Variants in HULC observed in about 807,000 individuals in gnomAD.
HULC encodes the protein hepatocellular carcinoma associated transcript 1 (non-protein coding).
chr6:8,653,762 G>C lies in HULC; in HGVS notation n.313+106548G>C, dbSNP rs535726486. ...ATGTTGTTATCAAAGAAAAAAATTG[G>C]GAAGCATGGCAAAATATCATCAAAA... On this transcript the variant is annotated intron_variant and non_coding_transcript_variant, in intron 3 of 8. Transcript: ENST00000645747. This position sits in a 1 kb window ranked among gnomAD's most constrained non-coding sequence, Gnocchi z 4.3. 3.3e-5 allele frequency: 5 copies of C among 152,044 alleles called. No individual in the cohort carries two copies. In the South Asian group the frequency reaches 1.0e-3, roughly 32 times the overall value. The allele number at this position is 152,044 out of a possible 1,614,324, so 9.4% of individuals were successfully genotyped here. A position where few individuals can be genotyped will look rare whatever the true frequency, so the allele number is the denominator to read the frequency against.
At position 8,653,003 on chromosome 6, in the gene HULC, A is replaced by C. The variant is rs962683973; in HGVS notation, n.313+105789A>C. On this transcript the variant is annotated intron_variant and non_coding_transcript_variant, in intron 3 of 8. Coordinates refer to ENST00000645747, the Ensembl canonical transcript of HULC. The surrounding 1 kb of genome is among the most constrained non-coding windows in gnomAD (Gnocchi z 4.3). The stretch of plus-strand genomic sequence containing the variant: ...AAGGAATTCTGGGAAATGTAGTTCC[A>C]GTTTGTCTGAATTGACCTATTGCAA... 6.6e-6 allele frequency: 1 copy of C among 152,224 alleles called. No individual in the cohort carries two copies. The highest frequency in any genetic ancestry group is 2.4e-5 in the African/African-American group (1 of 41,466). The allele number at this position is 152,224 out of a possible 1,614,324, so 9.4% of individuals were successfully genotyped here.
rs563284140 is a variant in HULC, at chr6:8,653,322, C to G, written n.313+106108C>G. ...AGTTATATAAAATTGATGCTTTTCT[C>G]TCTTTTTTTTAATCATTGAAAAGTG... On this transcript the variant is annotated intron_variant and non_coding_transcript_variant, in intron 3 of 8. Coordinates refer to ENST00000645747, the Ensembl canonical transcript of HULC. The surrounding 1 kb of genome is among the most constrained non-coding windows in gnomAD (Gnocchi z 4.3). 2.6e-5 allele frequency among the ~76,000 whole-genome samples: 4 copies of G among 152,142 alleles called. No individual in the cohort carries two copies. Among genetic ancestry groups the G allele is most frequent in the South Asian group, 4.2e-4 (2 of 4,810 alleles).
rs759716540 is a variant in HULC at position 8,652,308 on chromosome 6, G to T, written n.313+105094G>T. 2 of 152,290 alleles carry T rather than the reference G, an allele frequency of 1.3e-5. No homozygotes were observed. The highest frequency in any genetic ancestry group is 4.8e-5 in the African/African-American group (2 of 41,440). 9.4% of individuals were successfully genotyped at this position (152,290 alleles called of 1,614,324 possible). A position where few individuals can be genotyped will look rare whatever the true frequency, so the allele number is the denominator to read the frequency against. On this transcript the variant is annotated intron_variant and non_coding_transcript_variant, in intron 3 of 8. Coordinates refer to ENST00000645747, the Ensembl canonical transcript of HULC. The surrounding 1 kb of genome is among the most constrained non-coding windows in gnomAD (Gnocchi z 5.0). ...TGAGGATACAGCAAGGCCCCAATCT[G>T]CAAGCCAGGAAGAGTCGTCACGAGA... is the stretch of plus-strand genomic sequence containing the variant.
rs945825626 is a variant in HULC, at chr6:8,652,884, G to A, written n.313+105670G>A. On this transcript the variant is annotated intron_variant and non_coding_transcript_variant, in intron 3 of 8. Transcript: ENST00000645747. The surrounding 1 kb of genome is among the most constrained non-coding windows in gnomAD (Gnocchi z 5.0). Reference sequence around the variant, plus strand: ...CCTGACGCCCCTGTGGACCTTTATAGAATGCAAAGAGTATGGCTGCTACTT... The same window carrying A: ...CCTGACGCCCCTGTGGACCTTTATAAAATGCAAAGAGTATGGCTGCTACTT... 6.6e-6 allele frequency: 1 copy of A among 152,238 alleles called. No homozygotes were observed. The highest frequency in any genetic ancestry group is 2.4e-5 in the African/African-American group (1 of 41,440). 9.4% of individuals were successfully genotyped at this position (152,238 alleles called of 1,614,324 possible).
In HULC at chr6:8,653,416, A is replaced by G. The variant is rs977108218; in HGVS notation, n.313+106202A>G. On this transcript the variant is annotated intron_variant and non_coding_transcript_variant, in intron 3 of 8. Transcript: ENST00000645747. This position sits in a 1 kb window ranked among gnomAD's most constrained non-coding sequence, Gnocchi z 4.3. ...TCTAGATACATCAGAGCTCTTACAT[A>G]CAGATGTAGAACAATATGGTCTTGG... is the stretch of plus-strand genomic sequence containing the variant. 1.3e-5 allele frequency: 2 copies of G among 152,088 alleles called. No individual in the cohort carries two copies. The highest frequency in any genetic ancestry group is 2.9e-5 in the Non-Finnish European group (2 of 68,004). The allele number at this position is 152,088 out of a possible 1,614,324, so 9.4% of individuals were successfully genotyped here. A position where few individuals can be genotyped will look rare whatever the true frequency, so the allele number is the denominator to read the frequency against.
Position 8,652,351 on chromosome 6 carries a change from C to T in HULC, n.313+105137C>T, listed in dbSNP as rs1205525346. On this transcript the variant is annotated intron_variant and non_coding_transcript_variant, in intron 3 of 8. Transcript: ENST00000645747. The surrounding 1 kb of genome is among the most constrained non-coding windows in gnomAD (Gnocchi z 5.0). ...TCACGAGAACCAGACCATGCAGGAA[C>T]TCTGATCGTGGACATTTCAACCTCC... The T allele has an allele frequency of 6.6e-6, 1 of 152,278 alleles. No individual in the cohort carries two copies. Among genetic ancestry groups the T allele is most frequent in the African/African-American group, 2.4e-5 (1 of 41,440 alleles). 9.4% of individuals were successfully genotyped at this position (152,278 alleles called of 1,614,324 possible).
chr6:8,652,301 C>T lies in HULC; in HGVS notation n.313+105087C>T, dbSNP rs765032612. ...TGCCACGTGAGGATACAGCAAGGCC[C>T]CAATCTGCAAGCCAGGAAGAGTCGT... On this transcript the variant is annotated intron_variant and non_coding_transcript_variant, in intron 3 of 8. Coordinates refer to ENST00000645747, the Ensembl canonical transcript of HULC. This position sits in a 1 kb window ranked among gnomAD's most constrained non-coding sequence, Gnocchi z 5.0. The T allele has an allele frequency of 6.6e-6, 1 of 152,220 alleles. No individual in the cohort carries two copies. The highest frequency in any genetic ancestry group is 1.5e-5 in the Non-Finnish European group (1 of 68,118). The allele number at this position is 152,220 out of a possible 1,614,324, so 9.4% of individuals were successfully genotyped here.
Position 8,652,291 on chromosome 6 carries a change from CA to C in HULC, n.313+105078del, listed in dbSNP as rs1561835679. On this transcript the variant is annotated intron_variant and non_coding_transcript_variant, in intron 3 of 8. Coordinates refer to ENST00000645747, the Ensembl canonical transcript of HULC. This position sits in a 1 kb window ranked among gnomAD's most constrained non-coding sequence, Gnocchi z 5.0. ...GCTCTCTTTATGCCACGTGAGGATA[CA>C]GCAAGGCCCCAATCTGCAAGCCAGG... is the stretch of plus-strand genomic sequence containing the variant. 6.6e-6 allele frequency: 1 copy of C among 152,238 alleles called. No individual in the cohort carries two copies. The highest frequency in any genetic ancestry group is 6.5e-5 in the Admixed American group (1 of 15,274). 9.4% of individuals were successfully genotyped at this position (152,238 alleles called of 1,614,324 possible). A position where few individuals can be genotyped will look rare whatever the true frequency, so the allele number is the denominator to read the frequency against.
rs572420247 is a variant in HULC, at chr6:8,652,943, T to A, written n.313+105729T>A. ...CCTTTCAAATCTTGTGCAAATTCAC[T>A]TATGCTCCACCCCCAACCCAGAACT... is the stretch of plus-strand genomic sequence containing the variant. On this transcript the variant is annotated intron_variant and non_coding_transcript_variant, in intron 3 of 8. Coordinates refer to ENST00000645747, the Ensembl canonical transcript of HULC. This position sits in a 1 kb window ranked among gnomAD's most constrained non-coding sequence, Gnocchi z 5.0. 2.0e-5 allele frequency: 3 copies of A among 152,376 alleles called. No homozygotes were observed. Among genetic ancestry groups the A allele is most frequent in the East Asian group, 3.9e-4 (2 of 5,164 alleles). 9.4% of individuals were successfully genotyped at this position (152,376 alleles called of 1,614,324 possible). A position where few individuals can be genotyped will look rare whatever the true frequency, so the allele number is the denominator to read the frequency against.
At position 8,653,819 on chromosome 6, in the gene HULC, A is replaced by T. The variant is rs1439996474; in HGVS notation, n.313+106605A>T. 1 of 152,162 alleles carries T rather than the reference A, an allele frequency of 6.6e-6. No homozygotes were observed. The highest frequency in any genetic ancestry group is 1.5e-5 in the Non-Finnish European group (1 of 68,026). The allele number at this position is 152,162 out of a possible 1,614,324, so 9.4% of individuals were successfully genotyped here. The stretch of plus-strand genomic sequence containing the variant: ...CTAGAATTAAACAAAACTAAATTAA[A>T]ATGAAATAAAATGATGTCCATTCTT... On this transcript the variant is annotated intron_variant and non_coding_transcript_variant, in intron 3 of 8. Coordinates refer to ENST00000645747, the Ensembl canonical transcript of HULC. The surrounding 1 kb of genome is among the most constrained non-coding windows in gnomAD (Gnocchi z 4.3).
Position 8,652,374 on chromosome 6 carries a change from T to G in HULC, n.313+105160T>G, listed in dbSNP as rs1277700319. ...AACTCTGATCGTGGACATTTCAACC[T>G]CCAGAACTGTGATCCAGTAAGTGTT... is the stretch of plus-strand genomic sequence containing the variant. On this transcript the variant is annotated intron_variant and non_coding_transcript_variant, in intron 3 of 8. Coordinates refer to ENST00000645747, the Ensembl canonical transcript of HULC. This position sits in a 1 kb window ranked among gnomAD's most constrained non-coding sequence, Gnocchi z 5.0. 4 of 152,256 alleles carry G rather than the reference T, an allele frequency of 2.6e-5. No individual in the cohort carries two copies. Among genetic ancestry groups the G allele is most frequent in the Non-Finnish European group, 4.4e-5 (3 of 68,102 alleles). 9.4% of individuals were successfully genotyped at this position (152,256 alleles called of 1,614,324 possible). A position where few individuals can be genotyped will look rare whatever the true frequency, so the allele number is the denominator to read the frequency against.
chr6:8,652,947 G>A lies in HULC; in HGVS notation n.313+105733G>A, dbSNP rs1767322042. The stretch of plus-strand genomic sequence containing the variant: ...TCAAATCTTGTGCAAATTCACTTAT[G>A]CTCCACCCCCAACCCAGAACTCTGC... On this transcript the variant is annotated intron_variant and non_coding_transcript_variant, in intron 3 of 8. Coordinates refer to ENST00000645747, the Ensembl canonical transcript of HULC. The surrounding 1 kb of genome is among the most constrained non-coding windows in gnomAD (Gnocchi z 5.0). 1 of 152,228 alleles carries A rather than the reference G, an allele frequency of 6.6e-6. No homozygotes were observed. Among genetic ancestry groups the A allele is most frequent in the African/African-American group, 2.4e-5 (1 of 41,428 alleles). 9.4% of individuals were successfully genotyped at this position (152,228 alleles called of 1,614,324 possible).
rs1388892486 is a variant in HULC, at chr6:8,652,874, G to C, written n.313+105660G>C. On this transcript the variant is annotated intron_variant and non_coding_transcript_variant, in intron 3 of 8. Transcript: ENST00000645747. This position sits in a 1 kb window ranked among gnomAD's most constrained non-coding sequence, Gnocchi z 5.0. ...TGAAGCACAGCCTGACGCCCCTGTGGACCTTTATAGAATGCAAAGAGTATG... is the reference window on the plus strand; with the variant it reads ...TGAAGCACAGCCTGACGCCCCTGTGCACCTTTATAGAATGCAAAGAGTATG... 3.9e-5 allele frequency: 6 copies of C among 152,206 alleles called. No homozygotes were observed. Among genetic ancestry groups the C allele is most frequent in the African/African-American group, 1.4e-4 (6 of 41,438 alleles). 9.4% of individuals were successfully genotyped at this position (152,206 alleles called of 1,614,324 possible). A position where few individuals can be genotyped will look rare whatever the true frequency, so the allele number is the denominator to read the frequency against.
At position 8,652,664 on chromosome 6, in the gene HULC, C is replaced by T. The variant is rs1165170733; in HGVS notation, n.313+105450C>T. 2 of 152,260 alleles carry T rather than the reference C, an allele frequency of 1.3e-5. No individual in the cohort carries two copies. Among genetic ancestry groups the T allele is most frequent in the Non-Finnish European group, 2.9e-5 (2 of 68,096 alleles). The allele number at this position is 152,260 out of a possible 1,614,324, so 9.4% of individuals were successfully genotyped here. On this transcript the variant is annotated intron_variant and non_coding_transcript_variant, in intron 3 of 8. Transcript: ENST00000645747. This position sits in a 1 kb window ranked among gnomAD's most constrained non-coding sequence, Gnocchi z 5.0. ...TTAGCCCCTCTTACCACCTGTTAGC[C>T]TCCATCTTTGATTATGGAATCGATT... is the stretch of plus-strand genomic sequence containing the variant.
rs1024957844 is a variant in HULC at position 8,653,723 on chromosome 6, T to C, written n.313+106509T>C. ...TGTTCAACCTGTGGCAAATTTGTAC[T>C]TTCTCCCTGAATTATGTTGTTATCA... On this transcript the variant is annotated intron_variant and non_coding_transcript_variant, in intron 3 of 8. Coordinates refer to ENST00000645747, the Ensembl canonical transcript of HULC. The surrounding 1 kb of genome is among the most constrained non-coding windows in gnomAD (Gnocchi z 4.3). 2.0e-5 allele frequency: 3 copies of C among 152,202 alleles called. No homozygotes were observed. The highest frequency in any genetic ancestry group is 4.4e-5 in the Non-Finnish European group (3 of 68,036). The allele number at this position is 152,202 out of a possible 1,614,324, so 9.4% of individuals were successfully genotyped here. A position where few individuals can be genotyped will look rare whatever the true frequency, so the allele number is the denominator to read the frequency against.
At position 8,653,326 on chromosome 6, in the gene HULC, T is replaced by A. The variant is rs1767327571; in HGVS notation, n.313+106112T>A. Among the ~76,000 whole-genome samples, 1 of 152,100 alleles carries A rather than the reference T, an allele frequency of 6.6e-6. No homozygotes were observed. Among genetic ancestry groups the A allele is most frequent in the African/African-American group, 2.4e-5 (1 of 41,406 alleles). On this transcript the variant is annotated intron_variant and non_coding_transcript_variant, in intron 3 of 8. Coordinates refer to ENST00000645747, the Ensembl canonical transcript of HULC. The surrounding 1 kb of genome is among the most constrained non-coding windows in gnomAD (Gnocchi z 4.3). ...ATATAAAATTGATGCTTTTCTCTCT[T>A]TTTTTTAATCATTGAAAAGTGAATG...
At position 8,653,457 on chromosome 6, in the gene HULC, A is replaced by C. The variant is rs1767329188; in HGVS notation, n.313+106243A>C. The C allele has an allele frequency of 6.6e-6, 1 of 152,112 alleles. No individual in the cohort carries two copies. The highest frequency in any genetic ancestry group is 1.5e-5 in the Non-Finnish European group (1 of 68,028). 9.4% of individuals were successfully genotyped at this position (152,112 alleles called of 1,614,324 possible). ...ATGGTCTTGGGAAGCTGAAAATGCT[A>C]ACTGAAACAAGCAGGACAGGGGATG... is the stretch of plus-strand genomic sequence containing the variant. On this transcript the variant is annotated intron_variant and non_coding_transcript_variant, in intron 3 of 8. Coordinates refer to ENST00000645747, the Ensembl canonical transcript of HULC. The surrounding 1 kb of genome is among the most constrained non-coding windows in gnomAD (Gnocchi z 4.3).
In HULC at chr6:8,653,304, T is replaced by A. The variant is rs1157368993; in HGVS notation, n.313+106090T>A. Among the ~76,000 whole-genome samples the A allele has an allele frequency of 6.6e-6, 1 of 152,200 alleles. No homozygotes were observed. The highest frequency in any genetic ancestry group is 6.5e-5 in the Admixed American group (1 of 15,274). ...GATTTGAGTAAAAGAGAGAGTTATA[T>A]AAAATTGATGCTTTTCTCTCTTTTT... is the stretch of plus-strand genomic sequence containing the variant. On this transcript the variant is annotated intron_variant and non_coding_transcript_variant, in intron 3 of 8. Transcript: ENST00000645747. This position sits in a 1 kb window ranked among gnomAD's most constrained non-coding sequence, Gnocchi z 4.3.
chr6:8,653,814 A>G lies in HULC; in HGVS notation n.313+106600A>G, dbSNP rs1767337248. ...TGAAACTAGAATTAAACAAAACTAAATTAAAATGAAATAAAATGATGTCCA... is the reference window on the plus strand; with the variant it reads ...TGAAACTAGAATTAAACAAAACTAAGTTAAAATGAAATAAAATGATGTCCA... On this transcript the variant is annotated intron_variant and non_coding_transcript_variant, in intron 3 of 8. Transcript: ENST00000645747. This position sits in a 1 kb window ranked among gnomAD's most constrained non-coding sequence, Gnocchi z 4.3. 6.6e-6 allele frequency: 1 copy of G among 152,180 alleles called. No individual in the cohort carries two copies. Among genetic ancestry groups the G allele is most frequent in the African/African-American group, 2.4e-5 (1 of 41,454 alleles). The allele number at this position is 152,180 out of a possible 1,614,324, so 9.4% of individuals were successfully genotyped here.
Sources: allele counts gnomAD v4.1 joint callset (sites outside exome capture counted in the v4.1 genomes callset), GRCh38; gene constraint gnomAD v4.1.1; non-coding constraint Gnocchi (gnomAD v3.1); transcripts MANE v1.5; gene names NCBI Gene and HGNC (gene_info 2026-07-23, HGNC 2026-07-21).